MYO6: variants seen among roughly 807,000 people sequenced by gnomAD.
MYO6 encodes the protein myosin VI.
MYO6 carries 74 observed loss-of-function variants against 178.7 expected under a neutral mutation model. That is an observed-to-expected ratio of 0.41 (90% CI 0.34 to 0.50). The LOEUF is 0.50. Ranked by LOEUF, MYO6 falls within the 20% of genes least tolerant of loss-of-function variation. MYO6 has a pLI of 0.09. For missense variants in MYO6, 1,330 were observed against 1,547.4 expected (o/e 0.86, Z 2.36); for synonymous variants, 477 against 504.6 (o/e 0.95, Z 0.73).
chr6:75,914,025 T>G, intron 33 of MYO6, 38 bp from the exon 34 acceptor site: 1 of 1,600,260 alleles, frequency 6.2e-7, no homozygotes, highest in South Asian at 1.1e-5. Flanking sequence ...TCTTTTCCCT[T>G]GAGCTGCTGG....
intron 1 of MYO6, among the ~76,000 whole-genome samples, chr6:75,762,328 G>A (rs1167669529): frequency 6.6e-6 from 1 of 152,162 alleles, no homozygotes; most frequent in Non-Finnish European, 1.5e-5. Flanking sequence ...TTGACCCTAT[G>A]AGGTGACTAT....
rs150171923 is a variant in MYO6 at position 75,768,782 on chromosome 6, T to C, written c.-48+19359T>C. ...AATATATGAACTATATATGAACTAT[T>C]TTGCCATAGAGAATGTATTAGTCTG... On this transcript the variant is annotated intron_variant, in intron 1 of 34. Coordinates refer to ENST00000369977, the MANE Select transcript of MYO6 (RefSeq NM_004999.4). Among the ~76,000 whole-genome samples the C allele has an allele frequency of 1.0e-3, 158 of 152,308 alleles. 1 individual carries two copies. In the East Asian group the frequency reaches 0.024, roughly 23 times the overall value.
At chr6:75,906,697 A>G (rs1780357162) in intron 30 of MYO6, among the ~76,000 whole-genome samples, 1 of 152,238 alleles carries the variant, frequency 6.6e-6, no homozygotes, top group African/African-American at 2.4e-5. Context: ...AAAACAAAAA[A>G]CAAACAAAAC....
chr6:75,856,883 C>T (rs1403733641), intron 12 of MYO6, among the ~76,000 whole-genome samples: 1 of 151,926 alleles, frequency 6.6e-6, no homozygotes, highest in Non-Finnish European at 1.5e-5. Flanking sequence ...ATTTTTTTTA[C>T]CCCAATAATA....
intron 3 of MYO6, among the ~76,000 whole-genome samples, chr6:75,824,762 ATTT>A (rs35925414): frequency 1.4e-5 from 2 of 142,046 alleles, no homozygotes; most frequent in Admixed American, 7.1e-5. Context: ...TTCGGTCTAA[ATTT>A]TTTTTTTTTT....
Position 75,914,900 on chromosome 6 carries a change from T to A in MYO6, c.3746T>A (p.Phe1249Tyr), listed in dbSNP as rs765005306. ...GGTGCTGAGATCTTGCCAAGACAGT[T>A]TGAAGAAATCTGGGAACGCTGTGGA... The part of the protein sequence containing the change: ...KRGAEILPRQ[F>Y]EEIWERCGGI... Residue 1249 changes from phenylalanine to tyrosine, a missense_variant, in exon 35 of 35, where the codon TTT becomes TAT. By Grantham distance (22) the Phe-to-Tyr change is conservative (BLOSUM62 3). Transcript: ENST00000369977. 1 of 1,614,138 alleles carries A rather than the reference T, an allele frequency of 6.2e-7. No individual in the cohort carries two copies. Among genetic ancestry groups the A allele is most frequent in the East Asian group, 2.2e-5 (1 of 44,874 alleles).
intron 1 of MYO6, among the ~76,000 whole-genome samples, chr6:75,766,416 TAC>T (rs1778425540): frequency 6.6e-6 from 1 of 152,124 alleles, no homozygotes; most frequent in South Asian, 2.1e-4. Context: ...TACAGATATA[TAC>T]ACTTAAAAAT....
At chr6:75,750,097 C>CTT (rs200110417) in intron 1 of MYO6, among the ~76,000 whole-genome samples, 4,314 of 137,868 alleles carry the variant, frequency 0.031, 139 homozygotes, top group Non-Finnish European at 0.046. Context: ...AATTCATTAC[C>CTT]TTTTTTTTTT....
At chr6:75,794,045 G>T (rs1768524836) in intron 1 of MYO6, among the ~76,000 whole-genome samples, 1 of 152,130 alleles carries the variant, frequency 6.6e-6, no homozygotes, top group Non-Finnish European at 1.5e-5. Flanking sequence ...AGACAATGGA[G>T]GGAAAGTAAA....
intron 1 of MYO6, among the ~76,000 whole-genome samples, chr6:75,808,963 A>G (rs1770391900): frequency 6.6e-6 from 1 of 152,208 alleles, no homozygotes; most frequent in Non-Finnish European, 1.5e-5. Flanking sequence ...TACACAATTT[A>G]CAGGTGAGAG....
intron 1 of MYO6, among the ~76,000 whole-genome samples, chr6:75,813,311 C>A (rs746305948): frequency 1.3e-5 from 2 of 152,042 alleles, no homozygotes; most frequent in Non-Finnish European, 2.9e-5. Context: ...TGGCCACCAC[C>A]ATCCCAAGCC....
chr6:75,811,622 A>G (rs1303456520), intron 1 of MYO6, among the ~76,000 whole-genome samples: 1 of 151,816 alleles, frequency 6.6e-6, no homozygotes, highest in Non-Finnish European at 1.5e-5. Context: ...CTTTGCTGTG[A>G]TTTTTCTTTT....
At position 75,791,024 on chromosome 6, in the gene MYO6, C is replaced by G. The variant is rs1768178410; in HGVS notation, c.-47-26477C>G. ...TGTCGGCTCACTGCAAGCTCCGCCT[C>G]CCGAGTTCATGCCATTCTCCTGCCT... On this transcript the variant is annotated intron_variant, in intron 1 of 34. Transcript: ENST00000369977. 1.3e-5 allele frequency among the ~76,000 whole-genome samples: 2 copies of G among 152,144 alleles called. 1 individual carries two copies. The highest frequency in any genetic ancestry group is 4.1e-4 in the South Asian group (2 of 4,830).
chr6:75,868,968 G>A (rs931652408), intron 18 of MYO6, among the ~76,000 whole-genome samples: 1 of 151,666 alleles, frequency 6.6e-6, no homozygotes, highest in African/African-American at 2.4e-5. Flanking sequence ...TTACTCTTAA[G>A]CCTTATGGTC....
intron 9 of MYO6, among the ~76,000 whole-genome samples, chr6:75,841,836 CT>C (rs1169312621): frequency 6.6e-6 from 1 of 152,152 alleles, no homozygotes; most frequent in Non-Finnish European, 1.5e-5. Flanking sequence ...GACCACTGTA[CT>C]GAGAAGATCT....
At chr6:75,869,915 C>G (rs1002675552) in intron 18 of MYO6, among the ~76,000 whole-genome samples, 5 of 150,944 alleles carry the variant, frequency 3.3e-5, no homozygotes, top group Admixed American at 3.3e-4. Flanking sequence ...AGATCGAGAC[C>G]ATCCTGGCTA....
Position 75,914,169 on chromosome 6 carries a change from C to T in MYO6, c.3546C>T (p.Tyr1182=). ...RIPFIRPADQ[Y]KDPQSKKKGW... ...CATTCATCCGCCCTGCCGACCAGTACAAAGACCCTCAGAGTAAGAAAAAAG... is the reference window on the plus strand; with the variant it reads ...CATTCATCCGCCCTGCCGACCAGTATAAAGACCCTCAGAGTAAGAAAAAAG... Residue 1182 remains tyrosine, a synonymous_variant, in exon 34 of 35, where the codon TAC becomes TAT. Coordinates refer to ENST00000369977, the MANE Select transcript of MYO6 (RefSeq NM_004999.4). 2 of 1,614,146 alleles carry T rather than the reference C, an allele frequency of 1.2e-6. No individual in the cohort carries two copies. The highest frequency in any genetic ancestry group is 1.7e-6 in the Non-Finnish European group (2 of 1,180,030).
intron 25 of MYO6, among the ~76,000 whole-genome samples, chr6:75,888,157 G>A (rs1255520172): frequency 1.3e-5 from 2 of 151,616 alleles, no homozygotes; most frequent in Admixed American, 6.6e-5. Flanking sequence ...AGGTGTGATC[G>A]CACGCGCCTG....
At chr6:75,866,491 A>G (rs1337578668) in intron 16 of MYO6, 35 bp from the exon 17 acceptor site, 7 of 1,465,106 alleles carry the variant, frequency 4.8e-6, no homozygotes, top group Admixed American at 1.7e-5. Context: ...TATATTTTTG[A>G]TCATTTAATA....
Sources: allele counts gnomAD v4.1 joint callset (sites outside exome capture counted in the v4.1 genomes callset), GRCh38; gene constraint gnomAD v4.1.1; transcripts MANE v1.5; gene names NCBI Gene and HGNC (gene_info 2026-07-23, HGNC 2026-07-21).